Variants in NRXN3 observed in about 807,000 individuals in gnomAD.
NRXN3 encodes the protein neurexin III.
NRXN3 carries 32 observed loss-of-function variants against 137.6 expected under a neutral mutation model. That is an observed-to-expected ratio of 0.23 (90% confidence interval 0.18 to 0.31). The LOEUF (loss-of-function observed/expected upper bound fraction) is 0.31. NRXN3 is among the 10% of genes least tolerant of loss of function. The probability of loss-of-function intolerance (pLI) is 1.00; values close to 1 mark genes in which losing one functional copy is unlikely to be tolerated. For synonymous variants in NRXN3, 798 were observed against 784.5 expected, an observed-to-expected ratio of 1.02 and a Z score of -0.29; for missense variants, 1,574 against 2,062.5, an observed-to-expected ratio of 0.76 and a Z score of 4.59.
At chr14:78,601,403 G>A (rs987389659) in intron 4 of NRXN3, among the ~76,000 whole-genome samples, 1 of 151,936 alleles carries the variant, frequency 6.6e-6, no homozygotes, top group Non-Finnish European at 1.5e-5. Context: ...GAGCTTATGA[G>A]GGTGGTCCTT....
intron 2 of NRXN3, among the ~76,000 whole-genome samples, chr14:78,272,077 C>A (rs536143536): frequency 6.6e-6 from 1 of 152,252 alleles, no homozygotes; most frequent in Non-Finnish European, 1.5e-5. Context: ...GAGGTGCAGT[C>A]TTTGCCTTTT....
intron 4 of NRXN3, among the ~76,000 whole-genome samples, chr14:78,571,733 A>G (rs1475679558): frequency 6.6e-6 from 1 of 152,232 alleles, no homozygotes; most frequent in Non-Finnish European, 1.5e-5. Flanking sequence ...GTGCACGCAC[A>G]TATTGGTCTT....
intron 14 of NRXN3, 30 bp from the exon 15 acceptor site, chr14:78,987,991 CT>C (rs748768018): frequency 3.1e-6 from 5 of 1,587,530 alleles, no homozygotes; most frequent in East Asian, 4.5e-5. Context: ...TCTCCTTTTT[CT>C]TTTTTTCCCC....
intron 11 of NRXN3, among the ~76,000 whole-genome samples, chr14:78,963,863 T>C (rs931935751): frequency 6.6e-6 from 1 of 152,126 alleles, no homozygotes; most frequent in African/African-American, 2.4e-5. Context: ...ACTCCTGGGC[T>C]CCAGTGATCC....
chr14:78,969,617 A>G (rs1006033415), intron 14 of NRXN3, among the ~76,000 whole-genome samples: 1 of 152,202 alleles, frequency 6.6e-6, no homozygotes, highest in Non-Finnish European at 1.5e-5. Flanking sequence ...ATCATCGTAA[A>G]GCACACATTT....
intron 4 of NRXN3, among the ~76,000 whole-genome samples, chr14:78,632,422 T>TA (rs2097530516): frequency 6.6e-6 from 1 of 152,000 alleles, no homozygotes; most frequent in East Asian, 1.9e-4. Flanking sequence ...TTTTTTTTTT[T>TA]AAAGAAATGA....
At chr14:78,845,798 GA>G (rs1409419008) in intron 10 of NRXN3, among the ~76,000 whole-genome samples, 1 of 151,658 alleles carries the variant, frequency 6.6e-6, no homozygotes. Flanking sequence ...CTGATCTATA[GA>G]AAAAATATTA....
intron 15 of NRXN3, chr14:79,249,025 T>G (rs1012993783): frequency 6.6e-6 from 1 of 152,056 alleles, no homozygotes; most frequent in Non-Finnish European, 1.5e-5. Context: ...GGGAGACAGT[T>G]TTGTAGCAGG....
At chr14:79,026,598 T>C (rs1257188983) in intron 15 of NRXN3, among the ~76,000 whole-genome samples, 1 of 152,018 alleles carries the variant, frequency 6.6e-6, no homozygotes, top group Non-Finnish European at 1.5e-5. Flanking sequence ...GGAAAAAATA[T>C]CACCCCAGTA....
At chr14:78,957,504 G>A (rs2099399091) in intron 11 of NRXN3, 143 bp downstream of exon 11, 1 of 917,678 alleles carries the variant, frequency 1.1e-6, no homozygotes, top group Non-Finnish European at 1.6e-6. Flanking sequence ...CTCAGGCAAG[G>A]CTAAGAAGGT....
intron 16 of NRXN3, among the ~76,000 whole-genome samples, chr14:79,553,957 G>C (rs2097401547): frequency 6.6e-6 from 1 of 152,124 alleles, no homozygotes; most frequent in Non-Finnish European, 1.5e-5. Flanking sequence ...CTGCTGCAGG[G>C]TTAATTTATG....
chr14:79,022,893 A>G (rs2152453456), intron 15 of NRXN3, among the ~76,000 whole-genome samples: 1 of 152,300 alleles, frequency 6.6e-6, no homozygotes, highest in South Asian at 2.1e-4. Flanking sequence ...TATTTATTAT[A>G]GAACAGCAGG....
chr14:79,174,498 G>GTT (rs2062099237), intron 15 of NRXN3, among the ~76,000 whole-genome samples: 1 of 78,154 alleles, frequency 1.3e-5, no homozygotes, highest in African/African-American at 3.4e-5. Flanking sequence ...TCTATTGAAA[G>GTT]TTTTATATAT....
At chr14:78,184,332 C>T (rs1259434662) in intron 1 of NRXN3, among the ~76,000 whole-genome samples, 3 of 152,200 alleles carry the variant, frequency 2.0e-5, no homozygotes, top group Admixed American at 6.5e-5. Context: ...AGATGCATCA[C>T]GAACACTTTT....
At chr14:78,192,531 T>C (rs2060846253) in intron 1 of NRXN3, among the ~76,000 whole-genome samples, 1 of 152,116 alleles carries the variant, frequency 6.6e-6, no homozygotes, top group Non-Finnish European at 1.5e-5. Context: ...GTGTAATAGG[T>C]GCTGGAGATG....
chr14:79,415,714 C>T (rs1034734678), intron 15 of NRXN3, among the ~76,000 whole-genome samples: 5 of 152,098 alleles, frequency 3.3e-5, no homozygotes, highest in African/African-American at 9.7e-5. Context: ...ATGTAACAAT[C>T]GCCATGTTTA....
At chr14:78,926,762 T>A (rs1383910362) in intron 10 of NRXN3, among the ~76,000 whole-genome samples, 10 of 44,618 alleles carry the variant, frequency 2.2e-4, no homozygotes, top group African/African-American at 1.4e-3. Flanking sequence ...TATATATATA[T>A]TATATATATT....
chr14:78,650,188 G>A (rs891687747), intron 5 of NRXN3, among the ~76,000 whole-genome samples: 7 of 151,404 alleles, frequency 4.6e-5, no homozygotes, highest in Non-Finnish European at 7.4e-5. Flanking sequence ...CTTGTTCTTC[G>A]GTTTGTTCAA....
chr14:78,239,305 C>T (rs182838922), intron 1 of NRXN3, among the ~76,000 whole-genome samples: 1 of 152,332 alleles, frequency 6.6e-6, no homozygotes. Context: ...AACTTGTCCC[C>T]CACTAGTTTG....
Sources: allele counts gnomAD v4.1 joint callset (sites outside exome capture counted in the v4.1 genomes callset), GRCh38; gene constraint gnomAD v4.1.1; transcripts MANE v1.5; gene names NCBI Gene and HGNC (gene_info 2026-07-23, HGNC 2026-07-21).